The following TAMALIN variants were observed in gnomAD, a reference collection of about 807,000 sequenced individuals.
TAMALIN encodes trafficking regulator and scaffold protein tamalin.
In TAMALIN, 9 loss-of-function variants were observed where a neutral mutation model predicts 38.5. The observed-to-expected ratio is 0.23, with a 90% CI of 0.14 to 0.41. TAMALIN has a LOEUF of 0.41. Ranked by LOEUF, TAMALIN falls within the 10% of genes least tolerant of loss-of-function variation. The pLI is 1.00. For synonymous variants in TAMALIN, 306 were observed against 256.5 expected (o/e 1.19, Z -1.85); for missense variants, 548 against 554.1 (o/e 0.99, Z 0.11).
chr12:52,007,240 C>T lies in TAMALIN; in HGVS notation c.221C>T (p.Ser74Phe). The T allele has an allele frequency of 1.4e-6, 2 of 1,416,930 alleles. No homozygotes were observed. Among genetic ancestry groups the T allele is most frequent in the Non-Finnish European group, 1.8e-6 (2 of 1,089,852 alleles). 87.8% of individuals were successfully genotyped at this position (1,416,930 alleles called of 1,614,324 possible). The part of the protein sequence containing the change: ...PAELYRALAV[S>F]GGTLPRRKGS... ...GAGCTGTACCGCGCGCTCGCCGTGTCCGGGGGCACCCTGCCCCGCCGAAAG... is the reference window on the plus strand; with the variant it reads ...GAGCTGTACCGCGCGCTCGCCGTGTTCGGGGGCACCCTGCCCCGCCGAAAG... The change falls in exon 1 of 8, where the codon TCC becomes TTC. Residue 74 changes from serine to phenylalanine, a missense_variant. Coordinates refer to ENST00000293662, the MANE Select transcript of TAMALIN (RefSeq NM_181711.4). The surrounding 1 kb of genome is among the most constrained non-coding windows in gnomAD (Gnocchi z 6.7).
In TAMALIN at chr12:52,007,777, G is replaced by A. The variant is rs887783481; in HGVS notation, c.246+512G>A. 4.0e-5 allele frequency: 39 copies of A among 985,330 alleles called. No homozygotes were observed. Among genetic ancestry groups the A allele is most frequent in the Non-Finnish European group, 4.1e-5 (34 of 829,932 alleles). 61.0% of individuals were successfully genotyped at this position (985,330 alleles called of 1,614,324 possible). A position where few individuals can be genotyped will look rare whatever the true frequency, so the allele number is the denominator to read the frequency against. Reference sequence around the variant, plus strand: ...CTTCCGAGGGGACTCCCCGATTCCTGGGCTGGGGGCCTGCCGCCTGGCCCC... The same window carrying A: ...CTTCCGAGGGGACTCCCCGATTCCTAGGCTGGGGGCCTGCCGCCTGGCCCC... On this transcript the variant is annotated intron_variant, in intron 1 of 7. Coordinates refer to ENST00000293662, the MANE Select transcript of TAMALIN (RefSeq NM_181711.4). The surrounding 1 kb of genome is among the most constrained non-coding windows in gnomAD (Gnocchi z 6.7).
In TAMALIN at chr12:52,007,161, C is replaced by A; in HGVS notation, c.142C>A (p.Pro48Thr). Reference protein sequence around the residue: ...TPGPPAAAATPGPPADELYAA... With the variant: ...TPGPPAAAATTGPPADELYAA... ...GGGACCCCCTGCCGCAGCCGCCACC[C>A]CTGGGCCCCCAGCGGACGAGCTGTA... Residue 48 changes from proline (P) to threonine (T), a missense_variant, in exon 1 of 8, where the codon CCT (proline) becomes ACT (threonine). Coordinates refer to ENST00000293662, the MANE Select transcript of TAMALIN (RefSeq NM_181711.4). This position sits in a 1 kb window ranked among gnomAD's most constrained non-coding sequence, Gnocchi z 6.7. The A allele has an allele frequency of 2.7e-6, 4 of 1,497,760 alleles. No individual in the cohort carries two copies. Among genetic ancestry groups the A allele is most frequent in the Non-Finnish European group, 3.5e-6 (4 of 1,132,838 alleles). 92.8% of individuals were successfully genotyped at this position (1,497,760 alleles called of 1,614,324 possible).
intron 4 of TAMALIN, 21 bp from the exon 5 acceptor site, chr12:52,013,666 A>T (rs1173148920): frequency 6.2e-7 from 1 of 1,610,700 alleles, no homozygotes; most frequent in Non-Finnish European, 8.5e-7. Flanking sequence ...AGCAAATCTA[A>T]CCCCCTTGTC....
chr12:52,014,947 C>A lies in TAMALIN; in HGVS notation c.936C>A (p.Pro312=). Residue 312 remains proline (P), a synonymous_variant, in exon 8 of 8, where the codon CCC becomes CCA. Transcript: ENST00000293662. ...PPPARAFGPG[P]AETPAVGPGP... ...CGGCCCGCGCCTTCGGCCCGGGCCC[C>A]GCCGAGACCCCTGCCGTGGGGCCGG... The A allele has an allele frequency of 3.0e-6, 3 of 988,902 alleles. No individual in the cohort carries two copies. The highest frequency in any genetic ancestry group is 3.6e-6 in the Non-Finnish European group (3 of 830,322). 61.3% of individuals were successfully genotyped at this position (988,902 alleles called of 1,614,324 possible).
In TAMALIN at chr12:52,014,167, G is replaced by A; in HGVS notation, c.648G>A (p.Arg216=). The change falls in exon 7 of 8, where the codon AGG becomes AGA. Residue 216 remains arginine (R), a synonymous_variant. Transcript: ENST00000293662. The part of the protein sequence containing the change: ...QTLYEKWGEY[R]SLMVQEQRLV... The stretch of plus-strand genomic sequence containing the variant: ...TGTATGAGAAGTGGGGAGAGTACAG[G>A]TCCCTAATGGTGCAGGAGCAGCGGC... The A allele has an allele frequency of 6.2e-7, 1 of 1,604,250 alleles. No individual in the cohort carries two copies. Among genetic ancestry groups the A allele is most frequent in the Non-Finnish European group, 8.5e-7 (1 of 1,175,210 alleles).
In TAMALIN at chr12:52,007,302, C is replaced by T. The variant is rs749824434; in HGVS notation, c.246+37C>T. 43 of 1,390,368 alleles carry T rather than the reference C, an allele frequency of 3.1e-5. No homozygotes were observed. The East Asian group carries it at 5.6e-4, about 18-fold the overall frequency. The allele number at this position is 1,390,368 out of a possible 1,614,324, so 86.1% of individuals were successfully genotyped here. A position where few individuals can be genotyped will look rare whatever the true frequency, so the allele number is the denominator to read the frequency against. On this transcript the variant is annotated intron_variant, in intron 1 of 7. Coordinates refer to ENST00000293662, the MANE Select transcript of TAMALIN (RefSeq NM_181711.4). This position sits in a 1 kb window ranked among gnomAD's most constrained non-coding sequence, Gnocchi z 6.7. The stretch of plus-strand genomic sequence containing the variant: ...GCCCGCCTTCAGGATCTGCTCAGCC[C>T]CTCTCCGACTCCCTACAGGGCCTGC...
Position 52,007,618 on chromosome 12 carries a change from C to T in TAMALIN, c.246+353C>T, listed in dbSNP as rs1942436025. The stretch of plus-strand genomic sequence containing the variant: ...CCTGGGTCCCCAGGAGCCCCTCGCC[C>T]GAGGGACAGAGACAGCCCCAGGCAA... On this transcript the variant is annotated intron_variant, in intron 1 of 7. Transcript: ENST00000293662. This position sits in a 1 kb window ranked among gnomAD's most constrained non-coding sequence, Gnocchi z 6.7. The T allele has an allele frequency of 2.0e-6, 2 of 985,344 alleles. No homozygotes were observed. The highest frequency in any genetic ancestry group is 1.7e-5 in the African/African-American group (1 of 57,342). The allele number at this position is 985,344 out of a possible 1,614,324, so 61.0% of individuals were successfully genotyped here.
chr12:52,012,013 G>C (rs1392185726), intron 4 of TAMALIN, among the ~76,000 whole-genome samples: 1 of 152,108 alleles, frequency 6.6e-6, no homozygotes, highest in Non-Finnish European at 1.5e-5. Flanking sequence ...AGGCTGGGAA[G>C]TTCAAGACTG....
At chr12:52,010,391 C>T (rs530140887) in intron 2 of TAMALIN, 1 of 533,092 alleles carries the variant, frequency 1.9e-6, no homozygotes, top group Non-Finnish European at 2.4e-6. Context: ...CTCGAGGCTC[C>T]CCTCCCCCAG....
intron 2 of TAMALIN, 47 bp downstream of exon 2, chr12:52,009,286 T>G: frequency 6.3e-7 from 1 of 1,589,738 alleles, no homozygotes; most frequent in Non-Finnish European, 8.6e-7. Flanking sequence ...AGGGGTGAGG[T>G]GCTGGGTTGG....
chr12:52,013,531 A>G, intron 4 of TAMALIN, 156 bp from the exon 5 acceptor site: 2 of 642,888 alleles, frequency 3.1e-6, no homozygotes, highest in South Asian at 3.5e-5. Context: ...GAGATGTCAG[A>G]GGAGATCTAC....
In TAMALIN at chr12:52,015,046, G is replaced by C. The variant is rs573773880; in HGVS notation, c.1035G>C (p.Gly345=). Residue 345 remains glycine (G), a synonymous_variant, in exon 8 of 8, where the codon GGG becomes GGC. Coordinates refer to ENST00000293662, the MANE Select transcript of TAMALIN (RefSeq NM_181711.4). ...RCAGPGGGGG[G]GAPGALWTEA... is the part of the protein sequence containing the mutation. Reference sequence around the variant, plus strand: ...CGGGCCCTGGCGGGGGCGGAGGCGGGGGCGCGCCGGGCGCGCTCTGGACTG... The same window carrying C: ...CGGGCCCTGGCGGGGGCGGAGGCGGCGGCGCGCCGGGCGCGCTCTGGACTG... The C allele has an allele frequency of 4.4e-3, 5,998 of 1,360,728 alleles. 41 individuals carry two copies. The highest frequency in any genetic ancestry group is 4.3e-3 in the Non-Finnish European group (4,601 of 1,064,106). The allele number at this position is 1,360,728 out of a possible 1,614,324, so 84.3% of individuals were successfully genotyped here. A position where few individuals can be genotyped will look rare whatever the true frequency, so the allele number is the denominator to read the frequency against.
chr12:52,014,034 C>T, intron 6 of TAMALIN, 91 bp downstream of exon 6: 2 of 1,542,016 alleles, frequency 1.3e-6, no homozygotes, highest in Non-Finnish European at 1.8e-6. Flanking sequence ...TCTCCTGTAA[C>T]TGAAGATTTC....
intron 4 of TAMALIN, among the ~76,000 whole-genome samples, chr12:52,012,836 A>G (rs1429295123): frequency 6.6e-6 from 1 of 152,136 alleles, no homozygotes; most frequent in African/African-American, 2.4e-5. Flanking sequence ...TAGCAGAACT[A>G]TCCCTCTGGG....
rs1313864230 is a variant in TAMALIN at position 52,014,961 on chromosome 12, C to T, written c.950C>T (p.Ala317Val). The T allele has an allele frequency of 2.5e-5, 24 of 973,840 alleles. No individual in the cohort carries two copies. Among genetic ancestry groups the T allele is most frequent in the Non-Finnish European group, 2.9e-5 (24 of 819,794 alleles). The allele number at this position is 973,840 out of a possible 1,614,324, so 60.3% of individuals were successfully genotyped here. A position where few individuals can be genotyped will look rare whatever the true frequency, so the allele number is the denominator to read the frequency against. Reference sequence around the variant, plus strand: ...GGCCCGGGCCCCGCCGAGACCCCTGCCGTGGGGCCGGGCCCTGGGCCGCGG... The same window carrying T: ...GGCCCGGGCCCCGCCGAGACCCCTGTCGTGGGGCCGGGCCCTGGGCCGCGG... ...AFGPGPAETP[A>V]VGPGPGPRAA... Residue 317 changes from alanine to valine, a missense_variant, in exon 8 of 8, where the codon GCC (alanine) becomes GTC (valine). By Grantham distance (64) the Ala-to-Val change is moderately conservative. Around this residue, in one of 3 missense-constraint regions of TAMALIN, gnomAD observed 415 missense variants for 417.0 expected, o/e 1.00. Coordinates refer to ENST00000293662, the MANE Select transcript of TAMALIN (RefSeq NM_181711.4).
At chr12:52,009,568 C>T (rs957968742) in intron 2 of TAMALIN, among the ~76,000 whole-genome samples, 1 of 152,038 alleles carries the variant, frequency 6.6e-6, no homozygotes, top group Admixed American at 6.5e-5. Context: ...TAACCCAGGC[C>T]TCCTGGGCTC....
At position 52,015,229 on chromosome 12, in the gene TAMALIN, T is replaced by G; in HGVS notation, c.*30T>G. 1 of 1,563,796 alleles carries G rather than the reference T, an allele frequency of 6.4e-7. No homozygotes were observed. ...GGGGGCGGGCAGGGAGGTATTTATT[T>G]ATTTATTCGCAACAGCCAGCGCTAA... On this transcript the variant is annotated 3_prime_UTR_variant, in exon 8 of 8. Transcript: ENST00000293662.
At chr12:52,012,798 G>T (rs1269597613) in intron 4 of TAMALIN, among the ~76,000 whole-genome samples, 1 of 152,208 alleles carries the variant, frequency 6.6e-6, no homozygotes, top group African/African-American at 2.4e-5. Flanking sequence ...CTGTGCTTGA[G>T]GTCAGGAAGC....
Position 52,011,088 on chromosome 12 carries a change from T to G in TAMALIN, c.401T>G (p.Phe134Cys). ...GAGCAGCGTGTGGAAATGGTGACCT[T>G]TGTCTGCCGAGTTCATGAGTCTAGC... Reference protein sequence around the residue: ...REEQRVEMVTFVCRVHESSPA... With the variant: ...REEQRVEMVTCVCRVHESSPA... Residue 134 changes from phenylalanine to cysteine, a missense_variant, in exon 4 of 8, where the codon TTT becomes TGT. This residue lies in a region of TAMALIN where 415 missense variants were observed against 417.0 expected (regional missense o/e 1.00). Transcript: ENST00000293662. This position sits in a 1 kb window ranked among gnomAD's most constrained non-coding sequence, Gnocchi z 5.3. The G allele has an allele frequency of 2.5e-6, 4 of 1,612,988 alleles. No individual in the cohort carries two copies. The South Asian group carries it at 4.4e-5, about 18-fold the overall frequency.
Sources: allele counts gnomAD v4.1 joint callset (sites outside exome capture counted in the v4.1 genomes callset), GRCh38; gene constraint gnomAD v4.1.1; regional missense constraint gnomAD v4.1.1; non-coding constraint Gnocchi (gnomAD v3.1); transcripts MANE v1.5; gene names NCBI Gene and HGNC (gene_info 2026-07-23, HGNC 2026-07-21).